Variants in DOCK1 observed in about 807,000 individuals in gnomAD.
DOCK1 encodes dedicator of cytokinesis 1, also known as dedicator of cytokinesis protein 1.
DOCK1 carries 138 observed loss-of-function variants against 262.7 expected under a neutral mutation model. The observed-to-expected ratio is 0.53, with a 90% CI of 0.46 to 0.61. The LOEUF (loss-of-function observed/expected upper bound fraction) is 0.61, where lower values mean the gene tolerates loss of function less well. DOCK1 is among the 20% of genes least tolerant of loss of function. The pLI is 0.00. For synonymous variants in DOCK1, 866 were observed against 867.4 expected (o/e 1.00, Z 0.03); for missense variants, 1,908 against 2,370.7 (o/e 0.80, Z 4.05).
Position 127,176,131 on chromosome 10 carries a change from T to A in DOCK1, c.2847+48367T>A. ...GGGATGGACCTGCGTGCGGGCACTG[T>A]CATGTATTTGCGGTAGGCTGCTCTG... is the stretch of plus-strand genomic sequence containing the variant. On this transcript the variant is annotated intron_variant, in intron 27 of 51. Transcript: ENST00000623213. This position sits in a 1 kb window ranked among gnomAD's most constrained non-coding sequence, Gnocchi z 4.4. 1 of 1,614,066 alleles carries A rather than the reference T, an allele frequency of 6.2e-7. No homozygotes were observed. Among genetic ancestry groups the A allele is most frequent in the Non-Finnish European group, 8.5e-7 (1 of 1,180,016 alleles).
At chr10:127,177,678 TG>T (rs2055303760) in intron 27 of DOCK1, among the ~76,000 whole-genome samples, 1 of 152,206 alleles carries the variant, frequency 6.6e-6, no homozygotes, top group Non-Finnish European at 1.5e-5. Flanking sequence ...TGCCCTGTCC[TG>T]GGGGTGTCTG....
chr10:127,347,488 G>A (rs1449115478), intron 31 of DOCK1, among the ~76,000 whole-genome samples: 1 of 152,220 alleles, frequency 6.6e-6, no homozygotes. Flanking sequence ...TTTGCCACGG[G>A]ACATCGAGTG....
chr10:126,937,081 A>C (rs2034603241), intron 1 of DOCK1, among the ~76,000 whole-genome samples: 1 of 152,174 alleles, frequency 6.6e-6, no homozygotes, highest in African/African-American at 2.4e-5. Context: ...CTTCATAATC[A>C]AATGGCATTT....
intron 27 of DOCK1, among the ~76,000 whole-genome samples, chr10:127,169,057 A>T (rs770962892): frequency 6.6e-6 from 1 of 152,196 alleles, no homozygotes; most frequent in Non-Finnish European, 1.5e-5. Flanking sequence ...TCAATATTCT[A>T]GGTTAACGCA....
chr10:126,934,926 C>T lies in DOCK1; in HGVS notation c.46+29363C>T, dbSNP rs950717651. Reference sequence around the variant, plus strand: ...GGTCAGGAGACCATCCTGGCTAACACGGTGAAACCCTGTCTCTATTAAAAA... The same window carrying T: ...GGTCAGGAGACCATCCTGGCTAACATGGTGAAACCCTGTCTCTATTAAAAA... On this transcript the variant is annotated intron_variant, in intron 1 of 51. Coordinates refer to ENST00000623213, the MANE Select transcript of DOCK1 (RefSeq NM_001290223.2). Among the ~76,000 whole-genome samples the T allele has an allele frequency of 2.7e-3, 409 of 152,094 alleles. 3 individuals carry two copies. The highest frequency in any genetic ancestry group is 9.3e-3 in the African/African-American group (388 of 41,502).
intron 49 of DOCK1, among the ~76,000 whole-genome samples, chr10:127,443,537 T>C (rs2070329851): frequency 6.6e-6 from 1 of 152,172 alleles, no homozygotes; most frequent in Non-Finnish European, 1.5e-5. Context: ...GCCTAGTTCC[T>C]GCCCAGGTTT....
rs532391158 is a variant in DOCK1 at position 127,151,739 on chromosome 10, G to A, written c.2847+23975G>A. 7.9e-5 allele frequency among the ~76,000 whole-genome samples: 12 copies of A among 152,276 alleles called. No individual in the cohort carries two copies. The South Asian group carries it at 2.5e-3, about 32-fold the overall frequency. On this transcript the variant is annotated intron_variant, in intron 27 of 51. Transcript: ENST00000623213. ...ATCACAGTGCCTCGCCCTCTACCTAGTGAGTCTTCCTAAGTCTTGGCAAAT... is the reference window on the plus strand; with the variant it reads ...ATCACAGTGCCTCGCCCTCTACCTAATGAGTCTTCCTAAGTCTTGGCAAAT...
At chr10:127,088,658 C>T (rs776899989) in intron 23 of DOCK1, among the ~76,000 whole-genome samples, 1 of 151,976 alleles carries the variant, frequency 6.6e-6, no homozygotes, top group Non-Finnish European at 1.5e-5. Context: ...AACTGGAAGC[C>T]GGGTTTTGGG....
chr10:127,168,757 G>A (rs2054301648), intron 27 of DOCK1, among the ~76,000 whole-genome samples: 1 of 152,192 alleles, frequency 6.6e-6, no homozygotes, highest in Admixed American at 6.5e-5. Flanking sequence ...GGTGAGCCTG[G>A]GAAGCCAGGA....
chr10:127,158,005 G>T (rs2053245728), intron 27 of DOCK1, among the ~76,000 whole-genome samples: 2 of 152,196 alleles, frequency 1.3e-5, no homozygotes, highest in Non-Finnish European at 2.9e-5. Context: ...GTAATCCATT[G>T]TGCTTACTGC....
At chr10:127,029,824 A>T (rs7068941) in intron 16 of DOCK1, among the ~76,000 whole-genome samples, 1 of 152,126 alleles carries the variant, frequency 6.6e-6, no homozygotes, top group Admixed American at 6.5e-5. Flanking sequence ...ATTGTCACAC[A>T]TCCTTCTGAA....
chr10:127,066,369 C>A (rs567850046), intron 23 of DOCK1, among the ~76,000 whole-genome samples: 1 of 152,132 alleles, frequency 6.6e-6, no homozygotes, highest in Non-Finnish European at 1.5e-5. Context: ...GTCTTGGAAC[C>A]GTTTCCTGCA....
Position 127,444,284 on chromosome 10 carries a change from G to A in DOCK1, c.5413+5G>A. On this transcript the variant is annotated splice_donor_5th_base_variant and intron_variant, in intron 50 of 51. Transcript: ENST00000623213. ...TCAGCTTCAGCATGCAGTCGAGTAA[G>A]TGGAACGCTCCCCACATACGAATCG... is the stretch of plus-strand genomic sequence containing the variant. 1.3e-6 allele frequency: 2 copies of A among 1,599,620 alleles called. No individual in the cohort carries two copies. Among genetic ancestry groups the A allele is most frequent in the South Asian group, 1.1e-5 (1 of 89,194 alleles).
intron 8 of DOCK1, 44 bp downstream of exon 8, chr10:126,998,293 G>A: frequency 6.2e-7 from 1 of 1,610,480 alleles, no homozygotes; most frequent in South Asian, 1.1e-5. Context: ...TTTGGTTAGT[G>A]TTAGGAACTT....
At chr10:126,933,462 A>G (rs2034331121) in intron 1 of DOCK1, among the ~76,000 whole-genome samples, 1 of 152,148 alleles carries the variant, frequency 6.6e-6, no homozygotes, top group African/African-American at 2.4e-5. Context: ...TAAAAGTTAA[A>G]CAATGTAAGA....
intron 27 of DOCK1, among the ~76,000 whole-genome samples, chr10:127,233,699 C>G (rs1024313768): frequency 6.6e-6 from 1 of 152,196 alleles, no homozygotes; most frequent in African/African-American, 2.4e-5. Flanking sequence ...AGTGTGCCTT[C>G]GCAAAGGTTT....
chr10:127,224,719 C>CA (rs960877956), intron 27 of DOCK1, among the ~76,000 whole-genome samples: 4 of 149,420 alleles, frequency 2.7e-5, no homozygotes, highest in Admixed American at 6.7e-5. Flanking sequence ...GACCCTGTCT[C>CA]AAAAAAAAGA....
At chr10:127,102,605 G>T (rs1280676532) in intron 23 of DOCK1, among the ~76,000 whole-genome samples, 1 of 152,206 alleles carries the variant, frequency 6.6e-6, no homozygotes, top group Non-Finnish European at 1.5e-5. Flanking sequence ...CGAGGTGGGT[G>T]GATCACTTGA....
At chr10:127,281,045 A>G (rs1385024895) in intron 29 of DOCK1, among the ~76,000 whole-genome samples, 1 of 152,240 alleles carries the variant, frequency 6.6e-6, no homozygotes, top group East Asian at 1.9e-4. Flanking sequence ...TTTGTTTTAA[A>G]TAACAGCCTT....
Sources: gnomAD v4.1 joint callset for allele counts (sites outside exome capture counted in the v4.1 genomes callset) on GRCh38, gnomAD v4.1.1 for gene constraint, Gnocchi (gnomAD v3.1) non-coding constraint, MANE v1.5 for transcripts, NCBI Gene and HGNC (gene_info 2026-07-23, HGNC 2026-07-21) for gene names.